Variants in NRXN3 observed in about 807,000 individuals in gnomAD.
NRXN3 encodes the protein neurexin III.
NRXN3 carries 32 observed loss-of-function variants against 137.6 expected under a neutral mutation model. That is an observed-to-expected ratio of 0.23 (90% CI 0.18 to 0.31). The LOEUF (loss-of-function observed/expected upper bound fraction) is 0.31, where lower values mean the gene tolerates loss of function less well. Ranked by LOEUF, NRXN3 falls within the 10% of genes least tolerant of loss-of-function variation. The probability of loss-of-function intolerance (pLI) is 1.00; values close to 1 mark genes in which losing one functional copy is unlikely to be tolerated. For missense variants in NRXN3, 1,574 were observed against 2,062.5 expected (o/e 0.76, Z 4.59); for synonymous variants, 798 against 784.5 (o/e 1.02, Z -0.29).
In NRXN3 at chr14:79,010,474, A is replaced by G. The variant is rs2938026; in HGVS notation, c.3262+22333A>G. On this transcript the variant is annotated intron_variant, in intron 15 of 20. Transcript: ENST00000335750. ...GTAACTCATACCTAGGCTGATAACAAAATCTGAAAGGTTTTTCACTGAAAT... is the reference window on the plus strand; with the variant it reads ...GTAACTCATACCTAGGCTGATAACAGAATCTGAAAGGTTTTTCACTGAAAT... 9.7e-3 allele frequency among the ~76,000 whole-genome samples: 1,477 copies of G among 152,302 alleles called. 21 individuals are homozygous for G. The highest frequency in any genetic ancestry group is 0.034 in the African/African-American group (1,408 of 41,568).
chr14:79,077,417 C>T (rs1174643199), intron 15 of NRXN3, among the ~76,000 whole-genome samples: 1 of 151,988 alleles, frequency 6.6e-6, no homozygotes, highest in Non-Finnish European at 1.5e-5. Context: ...CCTTTTTTTC[C>T]TCTTCTTTTC....
intron 6 of NRXN3, among the ~76,000 whole-genome samples, chr14:78,651,745 A>T (rs1190813128): frequency 1.3e-5 from 2 of 152,206 alleles, no homozygotes; most frequent in African/African-American, 2.4e-5. Context: ...ATCAGATCTT[A>T]TGAGACTTAT....
intron 16 of NRXN3, among the ~76,000 whole-genome samples, chr14:79,535,521 C>G (rs183978155): frequency 1.3e-5 from 2 of 152,176 alleles, no homozygotes; most frequent in African/African-American, 4.8e-5. Context: ...TTTCTCTCCT[C>G]TCTCCAATTG....
chr14:78,407,243 G>GA (rs967647923), intron 4 of NRXN3, among the ~76,000 whole-genome samples: 16 of 150,672 alleles, frequency 1.1e-4, no homozygotes, highest in South Asian at 6.3e-4. Context: ...CATGGGTAAT[G>GA]AAAAAAAAAT....
chr14:78,819,819 A>G (rs2098945370), intron 10 of NRXN3, among the ~76,000 whole-genome samples: 2 of 152,324 alleles, frequency 1.3e-5, no homozygotes, highest in South Asian at 4.1e-4. Flanking sequence ...AATCAGAAGC[A>G]GCCAACAAAT....
At chr14:79,573,091 T>G (rs2097625603) in intron 16 of NRXN3, 1 of 152,220 alleles carries the variant, frequency 6.6e-6, no homozygotes, top group Non-Finnish European at 1.5e-5. Context: ...TGTGAGAAAT[T>G]TCTGCAGGTT....
chr14:79,084,408 T>A (rs923756155), intron 15 of NRXN3, among the ~76,000 whole-genome samples: 2 of 152,184 alleles, frequency 1.3e-5, no homozygotes, highest in African/African-American at 4.8e-5. Flanking sequence ...GCCAATAATA[T>A]GTTGGACTAT....
At chr14:78,602,724 C>T (rs954401074) in intron 4 of NRXN3, among the ~76,000 whole-genome samples, 1 of 152,166 alleles carries the variant, frequency 6.6e-6, no homozygotes, top group African/African-American at 2.4e-5. Context: ...ACACCCACAC[C>T]GGCCCATGAG....
At chr14:78,778,708 TTCTTTCTTTC>T (rs1161723522) in intron 8 of NRXN3, among the ~76,000 whole-genome samples, 1 of 149,242 alleles carries the variant, frequency 6.7e-6, no homozygotes, top group East Asian at 1.9e-4. Context: ...CTTTCTTTCT[TTCTTTCTTTC>T]TTTCTTTCTT....
chr14:78,561,551 G>T (rs1240917171), intron 4 of NRXN3, among the ~76,000 whole-genome samples: 1 of 152,168 alleles, frequency 6.6e-6, no homozygotes, highest in Non-Finnish European at 1.5e-5. Context: ...TGCCATAGGG[G>T]ACACAGAGGG....
At chr14:79,477,052 G>A (rs967615159) in intron 16 of NRXN3, among the ~76,000 whole-genome samples, 1 of 151,894 alleles carries the variant, frequency 6.6e-6, no homozygotes, top group Non-Finnish European at 1.5e-5. Context: ...TCATATGTAC[G>A]AATCTTTTTA....
intron 8 of NRXN3, among the ~76,000 whole-genome samples, chr14:78,754,127 G>A (rs1043181640): frequency 1.3e-5 from 2 of 152,180 alleles, no homozygotes; most frequent in African/African-American, 4.8e-5. Context: ...TGTAGTTCGA[G>A]GTTAGGCGTT....
chr14:79,010,857 A>G (rs1263796027), intron 15 of NRXN3, among the ~76,000 whole-genome samples: 1 of 152,176 alleles, frequency 6.6e-6, no homozygotes, highest in East Asian at 1.9e-4. Context: ...TGGAATTCAC[A>G]TCCAGGTTTG....
intron 15 of NRXN3, among the ~76,000 whole-genome samples, chr14:79,087,666 A>G (rs996606459): frequency 9.2e-5 from 14 of 152,108 alleles, no homozygotes; most frequent in African/African-American, 3.4e-4. Flanking sequence ...ATAACTCTCC[A>G]TTTTCTCAGG....
chr14:78,273,664 A>G (rs1222281536), intron 2 of NRXN3, among the ~76,000 whole-genome samples: 3 of 152,192 alleles, frequency 2.0e-5, no homozygotes, highest in African/African-American at 7.2e-5. Context: ...GGAAATACAT[A>G]GGTAAATATG....
intron 16 of NRXN3, among the ~76,000 whole-genome samples, chr14:79,576,868 G>A (rs371315096): frequency 5.3e-5 from 8 of 152,234 alleles, no homozygotes; most frequent in African/African-American, 1.9e-4. Flanking sequence ...CTTAAATCTA[G>A]CAGTAAGGAT....
intron 4 of NRXN3, among the ~76,000 whole-genome samples, chr14:78,363,675 GC>G (rs1268540675): frequency 6.6e-6 from 1 of 152,156 alleles, no homozygotes; most frequent in Non-Finnish European, 1.5e-5. Context: ...TGGAGAATCT[GC>G]TGTGTGTTCT....
chr14:79,306,973 C>A (rs1285974979), intron 15 of NRXN3, among the ~76,000 whole-genome samples: 2 of 152,060 alleles, frequency 1.3e-5, no homozygotes, highest in Non-Finnish European at 2.9e-5. Flanking sequence ...GAGCTGTCTC[C>A]TTAAGAAGGG....
intron 8 of NRXN3, among the ~76,000 whole-genome samples, chr14:78,753,386 T>C (rs74066441): frequency 0.05 from 7,604 of 152,336 alleles, 591 homozygotes; most frequent in African/African-American, 0.17. Context: ...GAAACTGCTC[T>C]GGTTTTTGGC....
Sources: gnomAD v4.1 joint callset for allele counts (sites outside exome capture counted in the v4.1 genomes callset) on GRCh38, gnomAD v4.1.1 for gene constraint, MANE v1.5 for transcripts, NCBI Gene and HGNC (gene_info 2026-07-23, HGNC 2026-07-21) for gene names.